Variants in PMEPA1 observed in about 807,000 individuals in gnomAD.
PMEPA1 encodes the protein prostate transmembrane protein, androgen induced 1.
In PMEPA1, 11 loss-of-function variants were observed where a neutral mutation model predicts 23.0. The observed-to-expected ratio is 0.48, with a 90% confidence interval of 0.30 to 0.79. PMEPA1 has a LOEUF of 0.79. PMEPA1 is among the 30% of genes least tolerant of loss of function. The pLI is 0.06. For synonymous variants in PMEPA1, 204 were observed against 166.4 expected (o/e 1.23, Z -1.74); for missense variants, 377 against 390.9 (o/e 0.96, Z 0.30).
rs758896041 is a variant in PMEPA1 at position 57,682,518 on chromosome 20, C to T, written c.110-22821G>A. Among the ~76,000 whole-genome samples the T allele has an allele frequency of 4.7e-4, 72 of 152,190 alleles. 1 individual carries two copies. Among genetic ancestry groups the T allele is most frequent in the Non-Finnish European group, 2.9e-5 (2 of 68,036 alleles). On this transcript the variant is annotated intron_variant, in intron 1 of 3. Coordinates refer to ENST00000341744, the MANE Select transcript of PMEPA1 (RefSeq NM_020182.5). The surrounding 1 kb of genome is among the most constrained non-coding windows in gnomAD (Gnocchi z 4.4). Reference sequence around the variant, plus strand: ...GAGTTTCAAAGTCAGCCTTTAACTGCCCTCCCAGTAAAGAGGCTGCTGAAT... The same window carrying T: ...GAGTTTCAAAGTCAGCCTTTAACTGTCCTCCCAGTAAAGAGGCTGCTGAAT...
At chr20:57,697,276 G>C (rs1372656436) in intron 1 of PMEPA1, among the ~76,000 whole-genome samples, 1 of 152,196 alleles carries the variant, frequency 6.6e-6, no homozygotes, top group African/African-American at 2.4e-5. Flanking sequence ...CATCACTCAA[G>C]CCCTCTCTGA....
rs2071758161 is a variant in PMEPA1, at chr20:57,683,644, C to T, written c.110-23947G>A. Among the ~76,000 whole-genome samples, 1 of 151,490 alleles carries T rather than the reference C, an allele frequency of 6.6e-6. No individual in the cohort carries two copies. Among genetic ancestry groups the T allele is most frequent in the Non-Finnish European group, 1.5e-5 (1 of 67,976 alleles). Reference sequence around the variant, plus strand: ...ATGTTGATATTTCTTCTTAAAGATGCTGTAATTATGAGAGAGCAGAAAGAA... The same window carrying T: ...ATGTTGATATTTCTTCTTAAAGATGTTGTAATTATGAGAGAGCAGAAAGAA... On this transcript the variant is annotated intron_variant, in intron 1 of 3. Coordinates refer to ENST00000341744, the MANE Select transcript of PMEPA1 (RefSeq NM_020182.5). The surrounding 1 kb of genome is among the most constrained non-coding windows in gnomAD (Gnocchi z 4.3).
At position 57,651,569 on chromosome 20, in the gene PMEPA1, AC is replaced by A. The variant is rs2071228413; in HGVS notation, c.*483del. On this transcript the variant is annotated 3_prime_UTR_variant, in exon 4 of 4. Transcript: ENST00000341744. ...TTTTCCTCTTCTAGTTCAGAAAACA[AC>A]TTTTTTTTTTAATAGGCCTCTTCTA... The A allele has an allele frequency of 6.7e-6, 1 of 148,326 alleles. No individual in the cohort carries two copies. Among genetic ancestry groups the A allele is most frequent in the African/African-American group, 2.4e-5 (1 of 40,872 alleles). 9.2% of individuals were successfully genotyped at this position (148,326 alleles called of 1,614,324 possible).
chr20:57,709,287 A>G (rs973129864), intron 1 of PMEPA1, among the ~76,000 whole-genome samples, 187 bp downstream of exon 1: 2 of 146,426 alleles, frequency 1.4e-5, no homozygotes, highest in African/African-American at 2.5e-5. Flanking sequence ...GCCGCGGGAC[A>G]AAGCCGGGCC....
chr20:57,679,036 T>G (rs2071675829), intron 1 of PMEPA1, among the ~76,000 whole-genome samples: 1 of 152,000 alleles, frequency 6.6e-6, no homozygotes, highest in African/African-American at 2.4e-5. Flanking sequence ...ACAACACGAG[T>G]GTTTTTGAAG....
intron 1 of PMEPA1, chr20:57,690,341 T>C (rs1179875719): frequency 2.3e-6 from 2 of 851,512 alleles, no homozygotes; most frequent in Admixed American, 2.3e-5. Flanking sequence ...CCGCCCTGCA[T>C]CAGCGCTACA....
chr20:57,657,905 C>G (rs75044901), intron 2 of PMEPA1, among the ~76,000 whole-genome samples: 2 of 152,136 alleles, frequency 1.3e-5, no homozygotes, highest in African/African-American at 4.8e-5. Context: ...AGAGACGTGC[C>G]GCAGCCCCAG....
intron 1 of PMEPA1, among the ~76,000 whole-genome samples, chr20:57,685,184 G>A (rs1022952640): frequency 2.0e-5 from 3 of 151,878 alleles, no homozygotes; most frequent in Non-Finnish European, 4.4e-5. Flanking sequence ...AAAGAAAAAA[G>A]CTGCAAGCCG....
intron 1 of PMEPA1, among the ~76,000 whole-genome samples, chr20:57,689,176 C>T (rs2071842332): frequency 6.6e-6 from 1 of 152,206 alleles, no homozygotes; most frequent in African/African-American, 2.4e-5. Flanking sequence ...TAGGGCTGGT[C>T]ACTCGCTGGG....
chr20:57,676,760 C>A (rs1195143700), intron 1 of PMEPA1, among the ~76,000 whole-genome samples: 1 of 152,168 alleles, frequency 6.6e-6, no homozygotes, highest in Admixed American at 6.5e-5. Flanking sequence ...TGCTGAGCAC[C>A]CACACAGAGA....
chr20:57,671,289 C>T (rs147309377), intron 1 of PMEPA1, among the ~76,000 whole-genome samples: 3 of 152,180 alleles, frequency 2.0e-5, no homozygotes, highest in African/African-American at 4.8e-5. Flanking sequence ...GCATAACATC[C>T]GAAAGTTATT....
At chr20:57,687,508 A>G (rs981039153) in intron 1 of PMEPA1, among the ~76,000 whole-genome samples, 5 of 152,082 alleles carry the variant, frequency 3.3e-5, no homozygotes, top group African/African-American at 1.2e-4. Context: ...TTACTAATCA[A>G]TTGCCACACT....
intron 1 of PMEPA1, among the ~76,000 whole-genome samples, chr20:57,695,901 G>A (rs562792163): frequency 1.3e-5 from 2 of 152,186 alleles, no homozygotes; most frequent in African/African-American, 4.8e-5. Flanking sequence ...CAGCCCCTCA[G>A]GTGGTGTTAA....
intron 1 of PMEPA1, among the ~76,000 whole-genome samples, chr20:57,697,538 G>C (rs888477439): frequency 1.3e-5 from 2 of 152,246 alleles, no homozygotes; most frequent in South Asian, 4.1e-4. Context: ...CATCCAACCA[G>C]CAGCTAGACA....
intron 1 of PMEPA1, among the ~76,000 whole-genome samples, chr20:57,678,100 T>C (rs1193548977): frequency 6.6e-6 from 1 of 152,146 alleles, no homozygotes; most frequent in Non-Finnish European, 1.5e-5. Context: ...GACTGTTGTG[T>C]CTTGACTGGT....
intron 1 of PMEPA1, among the ~76,000 whole-genome samples, chr20:57,670,699 A>G (rs1449476903): frequency 6.6e-6 from 1 of 152,154 alleles, no homozygotes; most frequent in African/African-American, 2.4e-5. Flanking sequence ...GCACAGACCC[A>G]AGGGATTTCA....
Position 57,709,438 on chromosome 20 carries a change from T to C in PMEPA1, c.109+36A>G, listed in dbSNP as rs111826237. The C allele has an allele frequency of 4.6e-3, 4,964 of 1,082,196 alleles. 93 individuals are homozygous for C. Among genetic ancestry groups the C allele is most frequent in the African/African-American group, 0.043 (2,524 of 59,228 alleles). 67.0% of individuals were successfully genotyped at this position (1,082,196 alleles called of 1,614,324 possible). A position where few individuals can be genotyped will look rare whatever the true frequency, so the allele number is the denominator to read the frequency against. On this transcript the variant is annotated intron_variant, in intron 1 of 3. Coordinates refer to ENST00000341744, the MANE Select transcript of PMEPA1 (RefSeq NM_020182.5). ...GCCCCGACATAGGGTCCGAGCCCGA[T>C]GGAGTCTCCGGGGAGGGGGGCGTGG...
In PMEPA1 at chr20:57,683,804, G is replaced by A. The variant is rs1291201364; in HGVS notation, c.110-24107C>T. ...AGCCCAGCAGCTCTCAGAGTTCTTG[G>A]AGTTCTCGGCCTCCGAAGCACACTG... On this transcript the variant is annotated intron_variant, in intron 1 of 3. Transcript: ENST00000341744. The surrounding 1 kb of genome is among the most constrained non-coding windows in gnomAD (Gnocchi z 4.3). Among the ~76,000 whole-genome samples, 1 of 151,570 alleles carries A rather than the reference G, an allele frequency of 6.6e-6. No individual in the cohort carries two copies. Among genetic ancestry groups the A allele is most frequent in the East Asian group, 1.9e-4 (1 of 5,156 alleles).
chr20:57,658,399 C>T (rs539739268), intron 2 of PMEPA1, among the ~76,000 whole-genome samples: 202 of 152,338 alleles, frequency 1.3e-3, no homozygotes, highest in African/African-American at 4.6e-3. Flanking sequence ...TTCATCCGTG[C>T]ACCTGCTCCT....
Sources: gnomAD v4.1 joint callset for allele counts (sites outside exome capture counted in the v4.1 genomes callset) on GRCh38, gnomAD v4.1.1 for gene constraint, Gnocchi (gnomAD v3.1) non-coding constraint, MANE v1.5 for transcripts, NCBI Gene and HGNC (gene_info 2026-07-23, HGNC 2026-07-21) for gene names.